DENND5A: variants seen among roughly 807,000 people sequenced by gnomAD.
The protein encoded by DENND5A is DENN domain containing 5A.
A neutral mutation model predicts 140.3 loss-of-function variants in DENND5A; 64 were observed. That is an observed-to-expected ratio of 0.46 (90% confidence interval 0.37 to 0.56). The LOEUF (loss-of-function observed/expected upper bound fraction) is 0.56, where lower values mean the gene tolerates loss of function less well. DENND5A is among the 20% of genes least tolerant of loss of function. The pLI, the probability that DENND5A is intolerant of heterozygous loss-of-function variation, is 0.00. For missense variants in DENND5A, 1,292 were observed against 1,593.8 expected (o/e 0.81, Z 3.22); for synonymous variants, 605 against 607.7 (o/e 1.00, Z 0.07).
At chr11:9,182,241 A>G (rs767563519) in intron 5 of DENND5A, among the ~76,000 whole-genome samples, 7 of 152,174 alleles carry the variant, frequency 4.6e-5, no homozygotes, top group Non-Finnish European at 1.0e-4. Flanking sequence ...GCTTGAACCC[A>G]GGAGGCAGAG....
intron 2 of DENND5A, 150 bp downstream of exon 2, chr11:9,207,411 A>C: frequency 1.7e-6 from 1 of 592,716 alleles, no homozygotes; most frequent in South Asian, 2.2e-5. Flanking sequence ...CAAAGAACCC[A>C]CCACCTAGAG....
At chr11:9,213,802 G>A (rs1267688237) in intron 1 of DENND5A, among the ~76,000 whole-genome samples, 24 of 226 alleles carry the variant, frequency 0.11, no homozygotes, top group Middle Eastern at 0.5. Flanking sequence ...GCGAGACTCC[G>A]TCTCCCAAAA....
At chr11:9,234,429 A>T (rs1378197018) in intron 1 of DENND5A, among the ~76,000 whole-genome samples, 11 of 152,182 alleles carry the variant, frequency 7.2e-5, no homozygotes, top group Non-Finnish European at 1.5e-5. Flanking sequence ...GTAGTCAACG[A>T]AATACAGATT....
intron 1 of DENND5A, among the ~76,000 whole-genome samples, chr11:9,250,078 G>A (rs933154656): frequency 2.0e-5 from 3 of 151,176 alleles, no homozygotes; most frequent in Non-Finnish European, 4.4e-5. Context: ...AATTTCTCAG[G>A]TGTTTTCCAT....
rs1487518261 is a variant in DENND5A, at chr11:9,264,829, C to G, written c.109+132G>C. On this transcript the variant is annotated intron_variant, in intron 1 of 22. Coordinates refer to ENST00000328194, the MANE Select transcript of DENND5A (RefSeq NM_015213.4). ...CCTCCAGTCCAAAGCCCCCTTCGCC[C>G]GCGCCCGCCCTGGTCCTCCCGGCCG... is the stretch of plus-strand genomic sequence containing the variant. The G allele has an allele frequency of 8.0e-6, 6 of 753,722 alleles. No individual in the cohort carries two copies. The East Asian group carries it at 1.3e-4, about 17-fold the overall frequency. 46.7% of individuals were successfully genotyped at this position (753,722 alleles called of 1,614,324 possible).
intron 1 of DENND5A, among the ~76,000 whole-genome samples, chr11:9,235,111 A>T (rs1850946252): frequency 6.6e-6 from 1 of 152,206 alleles, no homozygotes; most frequent in South Asian, 2.1e-4. Context: ...CAGAGTTACT[A>T]TATGACCCAT....
At chr11:9,188,292 C>T (rs552406670) in intron 5 of DENND5A, among the ~76,000 whole-genome samples, 11 of 152,306 alleles carry the variant, frequency 7.2e-5, no homozygotes, top group African/African-American at 2.6e-4. Context: ...GATTGTGAGG[C>T]TTCCCCAGCC....
At chr11:9,200,888 A>G (rs1849498094) in intron 4 of DENND5A, among the ~76,000 whole-genome samples, 2 of 152,214 alleles carry the variant, frequency 1.3e-5, no homozygotes, top group Non-Finnish European at 2.9e-5. Flanking sequence ...ATTTAACAAC[A>G]TTTATTGAGC....
intron 4 of DENND5A, among the ~76,000 whole-genome samples, chr11:9,202,820 A>C (rs1158170606): frequency 6.6e-6 from 1 of 152,124 alleles, no homozygotes; most frequent in African/African-American, 2.4e-5. Context: ...TACTTTTCCT[A>C]CAGATATTAA....
chr11:9,237,245 C>T (rs187322778), intron 1 of DENND5A, among the ~76,000 whole-genome samples: 35 of 152,150 alleles, frequency 2.3e-4, no homozygotes, highest in Non-Finnish European at 4.0e-4. Flanking sequence ...GGTAAAACCC[C>T]GTCTCTACTA....
Position 9,252,159 on chromosome 11 carries a change from A to G in DENND5A, c.109+12802T>C, listed in dbSNP as rs59149012. Among the ~76,000 whole-genome samples, 33 of 143,434 alleles carry G rather than the reference A, an allele frequency of 2.3e-4. 1 individual carries two copies. In the East Asian group the frequency reaches 5.3e-3, roughly 23 times the overall value. The allele number at this position is 143,434 out of a possible 152,430, so 94.1% of individuals were successfully genotyped here. A position where few individuals can be genotyped will look rare whatever the true frequency, so the allele number is the denominator to read the frequency against. ...CTAAAAACACAAAAATTAGCTGGGC[A>G]TGGTAGCACGCGCCTGTAGTCCCAG... On this transcript the variant is annotated intron_variant, in intron 1 of 22. Transcript: ENST00000328194.
chr11:9,231,162 T>A (rs1006713994), intron 1 of DENND5A, among the ~76,000 whole-genome samples: 6 of 152,220 alleles, frequency 3.9e-5, no homozygotes, highest in Non-Finnish European at 8.8e-5. Flanking sequence ...GCAAGAGTTA[T>A]CTCAAAATCT....
At chr11:9,169,418 C>G (rs373649213) in intron 10 of DENND5A, among the ~76,000 whole-genome samples, 5 of 151,734 alleles carry the variant, frequency 3.3e-5, no homozygotes, top group Middle Eastern at 3.4e-3. Context: ...TGCACTCCAG[C>G]CTGGGCGATA....
chr11:9,204,810 C>G (rs771507782), intron 3 of DENND5A, among the ~76,000 whole-genome samples: 2 of 152,156 alleles, frequency 1.3e-5, no homozygotes, highest in Non-Finnish European at 2.9e-5. Flanking sequence ...TGCAGTGAGC[C>G]AAGATCATGC....
chr11:9,237,690 A>G (rs979430786), intron 1 of DENND5A, among the ~76,000 whole-genome samples: 6 of 152,160 alleles, frequency 3.9e-5, no homozygotes, highest in African/African-American at 1.4e-4. Context: ...GTTCGAGACC[A>G]GCCTGACCAA....
In DENND5A at chr11:9,141,859, C is replaced by T; in HGVS notation, c.3680+81G>A. 2.2e-6 allele frequency: 3 copies of T among 1,347,644 alleles called. No individual in the cohort carries two copies. In the East Asian group the frequency reaches 7.8e-5, roughly 35 times the overall value. The allele number at this position is 1,347,644 out of a possible 1,614,324, so 83.5% of individuals were successfully genotyped here. A position where few individuals can be genotyped will look rare whatever the true frequency, so the allele number is the denominator to read the frequency against. On this transcript the variant is annotated intron_variant, in intron 22 of 22. Transcript: ENST00000328194. ...CCTAAGGGCACCTGATGAGCCATTC[C>T]TCACCCCTGCACTGCACCAGGCCTC... is the stretch of plus-strand genomic sequence containing the variant.
chr11:9,145,355 G>T (rs968311114), intron 17 of DENND5A: 3 of 586,092 alleles, frequency 5.1e-6, no homozygotes, highest in Non-Finnish European at 9.1e-6. Context: ...GATTCTGGAA[G>T]TGGGTTCTGA....
At chr11:9,177,269 G>A (rs1417095878) in intron 8 of DENND5A, among the ~76,000 whole-genome samples, 13 of 135,270 alleles carry the variant, frequency 9.6e-5, no homozygotes, top group Non-Finnish European at 1.3e-4. Flanking sequence ...AAAAAAAAAA[G>A]AAAGAAAGAA....
intron 13 of DENND5A, among the ~76,000 whole-genome samples, 155 bp downstream of exon 13, chr11:9,152,203 T>C (rs1253760591): frequency 6.6e-6 from 1 of 152,202 alleles, no homozygotes; most frequent in Non-Finnish European, 1.5e-5. Flanking sequence ...GTATGCTCTG[T>C]GGTTCAGAGA....
Sources: allele counts gnomAD v4.1 joint callset (sites outside exome capture counted in the v4.1 genomes callset), GRCh38; gene constraint gnomAD v4.1.1; transcripts MANE v1.5; gene names NCBI Gene and HGNC (gene_info 2026-07-23, HGNC 2026-07-21).